C1QTNF3: variants seen among roughly 807,000 people sequenced by gnomAD.
C1QTNF3 encodes C1q and TNF related 3, also known as complement C1q tumor necrosis factor-related protein 3.
A neutral mutation model predicts 32.6 loss-of-function variants in C1QTNF3; 26 were observed. The ratio of observed to expected loss-of-function variants is 0.80; its 90% confidence interval spans 0.58 to 1.11. The LOEUF is 1.11. Among genes scored for constraint, C1QTNF3 ranks in the 50% least tolerant of loss-of-function variants. The probability of loss-of-function intolerance (pLI) is 0.00; values close to 1 mark genes in which losing one functional copy is unlikely to be tolerated. For synonymous variants in C1QTNF3, 155 were observed against 146.0 expected, an observed-to-expected ratio of 1.06 and a Z score of -0.44; for missense variants, 362 against 398.2, an observed-to-expected ratio of 0.91 and a Z score of 0.77.
chr5:34,083,808 A>G, the C1QTNF3 span, among the ~76,000 whole-genome samples: 54 of 152,012 alleles, frequency 3.6e-4, 4 homozygotes, highest in African/African-American at 1.2e-3. Flanking sequence ...ATCATAATAC[A>G]TGTTTATATA....
At chr5:34,159,120 TATA>T in the C1QTNF3 span, among the ~76,000 whole-genome samples, 2 of 152,130 alleles carry the variant, frequency 1.3e-5, no homozygotes, top group African/African-American at 4.8e-5. Context: ...TTTAAATAAC[TATA>T]TATTTCAGTT....
the C1QTNF3 span, among the ~76,000 whole-genome samples, chr5:34,117,406 T>C: frequency 6.6e-6 from 1 of 152,290 alleles, no homozygotes; most frequent in South Asian, 2.1e-4. Context: ...CTCCTTTTTG[T>C]GTGTTATCAT....
At chr5:34,188,107 A>C in the C1QTNF3 span, among the ~76,000 whole-genome samples, 1 of 152,304 alleles carries the variant, frequency 6.6e-6, no homozygotes, top group African/African-American at 2.4e-5. Context: ...TGCAAGTTCC[A>C]AGCCTTTCAG....
the C1QTNF3 span, among the ~76,000 whole-genome samples, chr5:34,214,796 A>C: frequency 1.3e-5 from 2 of 152,194 alleles, no homozygotes; most frequent in Admixed American, 1.3e-4. Context: ...AATGCATTAT[A>C]ACTTAAAGAG....
chr5:34,132,510 TA>T, the C1QTNF3 span, among the ~76,000 whole-genome samples: 4 of 150,458 alleles, frequency 2.7e-5, no homozygotes, highest in Middle Eastern at 3.2e-3. Flanking sequence ...AACGTTTAAA[TA>T]AGTGTATCCT....
At chr5:34,080,039 C>T in the C1QTNF3 span, among the ~76,000 whole-genome samples, 2 of 151,648 alleles carry the variant, frequency 1.3e-5, no homozygotes, top group South Asian at 4.1e-4. Flanking sequence ...GTACATAGCT[C>T]CAAATTCATC....
chr5:34,176,958 C>A, the C1QTNF3 span, among the ~76,000 whole-genome samples: 1 of 152,048 alleles, frequency 6.6e-6, no homozygotes, highest in Non-Finnish European at 1.5e-5. Context: ...TTTGGGAGGT[C>A]GAGGCAGGAG....
chr5:34,226,817 G>A, the C1QTNF3 span, among the ~76,000 whole-genome samples: 5 of 150,636 alleles, frequency 3.3e-5, no homozygotes. Context: ...AAAAGAAAGT[G>A]TTATTAAGAA....
the C1QTNF3 span, among the ~76,000 whole-genome samples, chr5:34,229,834 G>A: frequency 6.6e-6 from 1 of 152,136 alleles, no homozygotes; most frequent in African/African-American, 2.4e-5. Context: ...TGGAGATGGA[G>A]CTTTTGGGAG....
At chr5:34,042,640 G>C (rs1030432100) in intron 1 of C1QTNF3, among the ~76,000 whole-genome samples, 183 bp downstream of exon 1, 2 of 152,098 alleles carry the variant, frequency 1.3e-5, no homozygotes, top group African/African-American at 4.8e-5. Context: ...TTTTCTAACA[G>C]AGACCGACAG....
the C1QTNF3 span, among the ~76,000 whole-genome samples, chr5:34,214,380 C>A: frequency 6.6e-6 from 1 of 151,530 alleles, no homozygotes; most frequent in African/African-American, 2.4e-5. Context: ...ATCTTAAAAT[C>A]TTATTAAAAT....
the C1QTNF3 span, among the ~76,000 whole-genome samples, chr5:34,243,433 A>G: frequency 6.6e-6 from 1 of 152,158 alleles, no homozygotes; most frequent in African/African-American, 2.4e-5. Flanking sequence ...AAACAGAGAT[A>G]CCCTTCGACC....
chr5:34,227,946 A>G, the C1QTNF3 span, among the ~76,000 whole-genome samples: 4 of 151,120 alleles, frequency 2.6e-5, no homozygotes, highest in African/African-American at 4.9e-5. Flanking sequence ...TGTTCTGATC[A>G]TTATTTGTCT....
At chr5:34,092,953 AT>A in the C1QTNF3 span, among the ~76,000 whole-genome samples, 1 of 151,700 alleles carries the variant, frequency 6.6e-6, no homozygotes, top group South Asian at 2.1e-4. Flanking sequence ...ATATGTTCAA[AT>A]TTAGCAATTC....
chr5:34,100,455 T>C, the C1QTNF3 span, among the ~76,000 whole-genome samples: 1 of 151,878 alleles, frequency 6.6e-6, no homozygotes, highest in Non-Finnish European at 1.5e-5. Flanking sequence ...AATGGGCTTA[T>C]TAACATATAT....
the C1QTNF3 span, among the ~76,000 whole-genome samples, chr5:34,186,930 T>C: frequency 2.2e-4 from 33 of 151,516 alleles, no homozygotes; most frequent in African/African-American, 7.9e-4. Context: ...AACCTAGCAA[T>C]CAAGCCAGAA....
the C1QTNF3 span, among the ~76,000 whole-genome samples, chr5:34,205,310 T>A: frequency 6.6e-6 from 1 of 152,196 alleles, no homozygotes; most frequent in Non-Finnish European, 1.5e-5. Context: ...TAAGAACCCA[T>A]GTTTAGCTTA....
At chr5:34,058,164 C>T in the C1QTNF3 span, among the ~76,000 whole-genome samples, 1 of 152,138 alleles carries the variant, frequency 6.6e-6, no homozygotes, top group Admixed American at 6.5e-5. Context: ...ATTTATTTTT[C>T]CATCCTATTT....
upstream of C1QTNF3, among the ~76,000 whole-genome samples, chr5:34,046,755 A>G (rs540149889): frequency 6.6e-6 from 1 of 152,276 alleles, no homozygotes; most frequent in African/African-American, 2.4e-5. Flanking sequence ...TCAAAACAAC[A>G]ACAAAAACAC....
Sources: allele counts gnomAD v4.1 joint callset (sites outside exome capture counted in the v4.1 genomes callset), GRCh38; gene constraint gnomAD v4.1.1; transcripts MANE v1.5; gene names NCBI Gene and HGNC (gene_info 2026-07-23, HGNC 2026-07-21).